The following FXYD2 variants were observed in gnomAD, a reference collection of about 807,000 sequenced individuals.
FXYD2 encodes the protein sodium/potassium-transporting ATPase subunit gamma.
Under a neutral mutation model 11.8 loss-of-function variants are expected in FXYD2, and 8 were observed. The ratio of observed to expected loss-of-function variants is 0.68; its 90% CI spans 0.40 to 1.22. The LOEUF (loss-of-function observed/expected upper bound fraction) is 1.22, where lower values mean the gene tolerates loss of function less well. FXYD2 is among the 50% of genes most tolerant of loss of function. The pLI is 0.01. For synonymous variants in FXYD2, 42 were observed against 33.3 expected (o/e 1.26, Z -0.90); for missense variants, 92 against 91.8 (o/e 1.00, Z -0.01).
chr11:117,821,434 A>C lies in FXYD2; in HGVS notation c.140-539T>G, dbSNP rs866361346. ...TCAGTCAGTCAGTCAGCAAATATTT[A>C]CTGGAGCAGATCCACGGTGGTCTGT... On this transcript the variant is annotated intron_variant, in intron 3 of 5. Coordinates refer to ENST00000292079, the MANE Select transcript of FXYD2 (RefSeq NM_001680.5). 2.7e-5 allele frequency: 27 copies of C among 986,686 alleles called. No individual in the cohort carries two copies. The African/African-American group carries it at 4.0e-4, about 15-fold the overall frequency. The allele number at this position is 986,686 out of a possible 1,614,324, so 61.1% of individuals were successfully genotyped here.
upstream of FXYD2, among the ~76,000 whole-genome samples, chr11:117,825,915 G>A (rs541925494): frequency 1.3e-5 from 2 of 152,290 alleles, no homozygotes; most frequent in Non-Finnish European, 2.9e-5. Context: ...TCCCCAAGCA[G>A]GGGCAGGGCT....
In FXYD2 at chr11:117,820,704, G is replaced by C; in HGVS notation, c.177-8C>G. On this transcript the variant is annotated splice_polypyrimidine_tract_variant and splice_region_variant and intron_variant, in intron 4 of 5. Transcript: ENST00000292079. ...TCATCTTCATTGATTTGCCTGGTGG[G>C]GGAAGGAAAAGCAACAGGTGAGAGG... 6.2e-7 allele frequency: 1 copy of C among 1,614,058 alleles called. No individual in the cohort carries two copies. Among genetic ancestry groups the C allele is most frequent in the South Asian group, 1.1e-5 (1 of 91,076 alleles).
In FXYD2 at chr11:117,822,494, G is replaced by A. The variant is rs1420201255; in HGVS notation, c.65-14C>T. 6.4e-7 allele frequency: 1 copy of A among 1,558,808 alleles called. No homozygotes were observed. The highest frequency in any genetic ancestry group is 8.7e-7 in the Non-Finnish European group (1 of 1,150,640). ...CGGTCTCATAGTCTCCGGAAAGAGAGGGCAAGAGGAGCGGGATGGGTGGTC... is the reference window on the plus strand; with the variant it reads ...CGGTCTCATAGTCTCCGGAAAGAGAAGGCAAGAGGAGCGGGATGGGTGGTC... On this transcript the variant is annotated splice_polypyrimidine_tract_variant and intron_variant, in intron 2 of 5. Transcript: ENST00000292079. This position sits in a 1 kb window ranked among gnomAD's most constrained non-coding sequence, Gnocchi z 4.7.
chr11:117,827,582 T>C (rs2056071276), upstream of FXYD2, among the ~76,000 whole-genome samples: 1 of 152,220 alleles, frequency 6.6e-6, no homozygotes, highest in South Asian at 2.1e-4. Flanking sequence ...CAATGAGTTT[T>C]AGAAGGTAAA....
At chr11:117,820,961 A>G (rs1490179925) in intron 3 of FXYD2, 66 bp from the exon 4 acceptor site, 1 of 1,611,222 alleles carries the variant, frequency 6.2e-7, no homozygotes, top group Admixed American at 1.7e-5. Flanking sequence ...GGAAGACTCA[A>G]AATTCTTCCA....
chr11:117,823,403 C>T (rs1460104071), intron 1 of FXYD2, among the ~76,000 whole-genome samples: 2 of 152,206 alleles, frequency 1.3e-5, no homozygotes. Context: ...GAAGAAATTC[C>T]CCCACAGTTA....
At chr11:117,826,511 CG>C (rs1316322114), upstream of FXYD2, among the ~76,000 whole-genome samples, 1 of 152,118 alleles carries the variant, frequency 6.6e-6, no homozygotes, top group Admixed American at 6.5e-5. Flanking sequence ...CCAGAAAAAA[CG>C]AGGGCAGGAA....
rs12280668 is a variant in FXYD2 at position 117,821,948 on chromosome 11, A to G, written c.139+458T>C. ...TGTGTGCCCCTCGGGGCTTGAGGAT[A>G]CATAACTCTCTTTGTCTCCCCCAGA... is the stretch of plus-strand genomic sequence containing the variant. On this transcript the variant is annotated intron_variant, in intron 3 of 5. Coordinates refer to ENST00000292079, the MANE Select transcript of FXYD2 (RefSeq NM_001680.5). 5,684 of 1,054,070 alleles carry G rather than the reference A, an allele frequency of 5.4e-3. 231 individuals carry two copies. The African/African-American group carries it at 0.088, about 16-fold the overall frequency. 65.3% of individuals were successfully genotyped at this position (1,054,070 alleles called of 1,614,324 possible). A position where few individuals can be genotyped will look rare whatever the true frequency, so the allele number is the denominator to read the frequency against.
At chr11:117,820,755 T>C in intron 4 of FXYD2, 59 bp from the exon 5 acceptor site, 18 of 1,613,158 alleles carry the variant, frequency 1.1e-5, no homozygotes, top group Non-Finnish European at 1.4e-5. Context: ...GGTCTAGGGA[T>C]CTCTGAGGCT....
chr11:117,822,635 G>T lies in FXYD2; in HGVS notation c.64+44C>A. 1 of 1,601,346 alleles carries T rather than the reference G, an allele frequency of 6.2e-7. No individual in the cohort carries two copies. Among genetic ancestry groups the T allele is most frequent in the Non-Finnish European group, 8.5e-7 (1 of 1,175,278 alleles). On this transcript the variant is annotated intron_variant, in intron 2 of 5. Transcript: ENST00000292079. The surrounding 1 kb of genome is among the most constrained non-coding windows in gnomAD (Gnocchi z 4.7). Reference sequence around the variant, plus strand: ...GGGAGAGGCCGCTGCTTGGTGGAAGGGGTCCTGAGGGCTCAGGAAGGGTGC... The same window carrying T: ...GGGAGAGGCCGCTGCTTGGTGGAAGTGGTCCTGAGGGCTCAGGAAGGGTGC...
upstream of FXYD2, among the ~76,000 whole-genome samples, chr11:117,826,844 C>T (rs949249699): frequency 1.3e-5 from 2 of 150,490 alleles, no homozygotes; most frequent in African/African-American, 4.9e-5. Context: ...ATCTATCTAT[C>T]CATTGACAAC....
At chr11:117,825,074 C>T (rs1283895973), upstream of FXYD2, among the ~76,000 whole-genome samples, 1 of 152,178 alleles carries the variant, frequency 6.6e-6, no homozygotes, top group African/African-American at 2.4e-5. Context: ...TTTCTGGGGG[C>T]AGTGGCCCAC....
At chr11:117,821,250 C>T (rs148023254) in intron 3 of FXYD2, 2 of 698,348 alleles carry the variant, frequency 2.9e-6, no homozygotes, top group Middle Eastern at 6.7e-4. Context: ...TTGTATAGAT[C>T]GGGTCTCACT....
At chr11:117,821,906 A>G in intron 3 of FXYD2, 1 of 1,011,948 alleles carries the variant, frequency 9.9e-7, no homozygotes. Flanking sequence ...GTCAATGTGC[A>G]GTTATTAAGC....
Position 117,822,464 on chromosome 11 carries a change from G to T in FXYD2, c.81C>A (p.Arg27=). 1 of 1,562,270 alleles carries T rather than the reference G, an allele frequency of 6.4e-7. No homozygotes were observed. Among genetic ancestry groups the T allele is most frequent in the Non-Finnish European group, 8.7e-7 (1 of 1,152,356 alleles). The part of the protein sequence containing the change: ...DPFYYDYETV[R]NGGLIFAGLA... ...GTCCAGCGAAGATCAGGCCCCCATT[G>T]CGAACGGTCTCATAGTCTCCGGAAA... The change falls in exon 3 of 6, where the codon CGC becomes CGA. Residue 27 remains arginine (R), a synonymous_variant. Transcript: ENST00000292079. This position sits in a 1 kb window ranked among gnomAD's most constrained non-coding sequence, Gnocchi z 4.7.
rs1239813766 is a variant in FXYD2, at chr11:117,822,257, C to T, written c.139+149G>A. ...TGCTCCCAGCGAGCCTGGCACCCCACCGGGCACCCATTCCCACATCCTGCA... is the reference window on the plus strand; with the variant it reads ...TGCTCCCAGCGAGCCTGGCACCCCATCGGGCACCCATTCCCACATCCTGCA... On this transcript the variant is annotated intron_variant, in intron 3 of 5. Transcript: ENST00000292079. The surrounding 1 kb of genome is among the most constrained non-coding windows in gnomAD (Gnocchi z 4.7). 1 of 1,523,614 alleles carries T rather than the reference C, an allele frequency of 6.6e-7. No individual in the cohort carries two copies. Among genetic ancestry groups the T allele is most frequent in the Admixed American group, 2.0e-5 (1 of 50,354 alleles). 94.4% of individuals were successfully genotyped at this position (1,523,614 alleles called of 1,614,324 possible). A position where few individuals can be genotyped will look rare whatever the true frequency, so the allele number is the denominator to read the frequency against.
At position 117,822,065 on chromosome 11, in the gene FXYD2, T is replaced by C; in HGVS notation, c.139+341A>G. On this transcript the variant is annotated intron_variant, in intron 3 of 5. Transcript: ENST00000292079. This position sits in a 1 kb window ranked among gnomAD's most constrained non-coding sequence, Gnocchi z 4.7. ...CCCTAATCTTGTGAGGCAGGTGGGA[T>C]CATCCCTATTTAACAAATGAGTTTG... 8.0e-7 allele frequency: 1 copy of C among 1,256,442 alleles called. No homozygotes were observed. The allele number at this position is 1,256,442 out of a possible 1,614,324, so 77.8% of individuals were successfully genotyped here.
At chr11:117,826,696 A>C (rs1210715118), upstream of FXYD2, among the ~76,000 whole-genome samples, 1 of 152,198 alleles carries the variant, frequency 6.6e-6, no homozygotes, top group Non-Finnish European at 1.5e-5. Context: ...GTAAGCCTCC[A>C]TGGAGTCTTT....
At chr11:117,827,819 A>G (rs983570822), upstream of FXYD2, among the ~76,000 whole-genome samples, 1 of 152,132 alleles carries the variant, frequency 6.6e-6, no homozygotes, top group African/African-American at 2.4e-5. Flanking sequence ...CTCTGCACAC[A>G]CGTTACAGCA....
Sources: gnomAD v4.1 joint callset for allele counts (sites outside exome capture counted in the v4.1 genomes callset) on GRCh38, gnomAD v4.1.1 for gene constraint, Gnocchi (gnomAD v3.1) non-coding constraint, MANE v1.5 for transcripts, NCBI Gene and HGNC (gene_info 2026-07-23, HGNC 2026-07-21) for gene names.